The following LYRM4 variants were observed in gnomAD, a reference collection of about 807,000 sequenced individuals.
LYRM4 encodes LYR motif-containing protein 4.
In LYRM4, 9 loss-of-function variants were observed where a neutral mutation model predicts 11.7. The observed-to-expected ratio is 0.77, with a 90% CI of 0.46 to 1.34. The LOEUF is 1.34. Among genes scored for constraint, LYRM4 ranks in the 40% most tolerant of loss-of-function variants. The pLI is 0.00. For missense variants in LYRM4, 133 were observed against 112.5 expected (o/e 1.18, Z -0.82); for synonymous variants, 42 against 40.4 (o/e 1.04, Z -0.15).
chr6:5,199,600 C>T (rs1416251072), intron 2 of LYRM4, among the ~76,000 whole-genome samples: 3 of 152,168 alleles, frequency 2.0e-5, no homozygotes, highest in Non-Finnish European at 4.4e-5. Flanking sequence ...CAGTCACTAC[C>T]AGACTGAAAC....
the LYRM4 span, among the ~76,000 whole-genome samples, chr6:5,039,736 A>T: frequency 6.6e-6 from 1 of 152,234 alleles, no homozygotes. Context: ...AGAGTTTTAG[A>T]TATGAAAATT....
At chr6:5,078,238 CT>C in the LYRM4 span, among the ~76,000 whole-genome samples, 853 of 141,760 alleles carry the variant, frequency 6.0e-3, 2 homozygotes, top group South Asian at 9.9e-3. Context: ...CAGCTGGGTA[CT>C]TTTTTTTTTT....
At chr6:5,060,347 G>T in the LYRM4 span, among the ~76,000 whole-genome samples, 3 of 152,170 alleles carry the variant, frequency 2.0e-5, no homozygotes, top group African/African-American at 7.2e-5. Flanking sequence ...ATGAAAAAAT[G>T]TTGGATTTTT....
intron 1 of LYRM4, among the ~76,000 whole-genome samples, chr6:5,223,081 A>T (rs1390756163): frequency 2.0e-5 from 3 of 152,230 alleles, no homozygotes; most frequent in African/African-American, 7.2e-5. Flanking sequence ...CAATGCCAAG[A>T]TATCTACTTA....
intron 2 of LYRM4, among the ~76,000 whole-genome samples, chr6:5,174,479 T>C (rs1450858088): frequency 2.0e-5 from 3 of 152,022 alleles, no homozygotes; most frequent in Non-Finnish European, 4.4e-5. Context: ...TCACAAAAGC[T>C]CGAGTTTCAA....
intron 2 of LYRM4, among the ~76,000 whole-genome samples, chr6:5,203,607 GTGGA>G (rs1276472925): frequency 1.3e-5 from 2 of 152,162 alleles, no homozygotes; most frequent in Non-Finnish European, 2.9e-5. Flanking sequence ...TTCTATTCAG[GTGGA>G]TATTCTTTTA....
chr6:5,197,501 G>A (rs1025415174), intron 2 of LYRM4, among the ~76,000 whole-genome samples: 3 of 151,316 alleles, frequency 2.0e-5, no homozygotes, highest in Admixed American at 1.3e-4. Flanking sequence ...GTGAAACCCC[G>A]TCTCTACTGA....
At chr6:5,152,815 C>T (rs899102086) in intron 2 of LYRM4, among the ~76,000 whole-genome samples, 4 of 152,214 alleles carry the variant, frequency 2.6e-5, no homozygotes, top group African/African-American at 9.6e-5. Flanking sequence ...GGTCACGGGG[C>T]AAATGGAAAC....
intron 2 of LYRM4, among the ~76,000 whole-genome samples, chr6:5,208,926 C>T (rs893731168): frequency 1.3e-5 from 2 of 152,228 alleles, no homozygotes; most frequent in East Asian, 3.9e-4. Context: ...GGGAATTTTC[C>T]ACTCATCTGG....
intron 2 of LYRM4, among the ~76,000 whole-genome samples, chr6:5,127,809 A>G (rs58734393): frequency 0.019 from 2,823 of 152,340 alleles, 94 homozygotes; most frequent in African/African-American, 0.064. Context: ...TGTGATCTGT[A>G]TCATCCTTTT....
the LYRM4 span, among the ~76,000 whole-genome samples, chr6:5,045,110 C>G: frequency 6.6e-6 from 1 of 152,334 alleles, no homozygotes; most frequent in Middle Eastern, 3.4e-3. Context: ...CAAACCACCT[C>G]AACATTCAGT....
chr6:5,160,647 A>T (rs1758699857), intron 2 of LYRM4, among the ~76,000 whole-genome samples: 1 of 63,056 alleles, frequency 1.6e-5, no homozygotes, highest in African/African-American at 7.9e-5. Context: ...TGCCATGATT[A>T]TGAGACCCCC....
chr6:5,163,189 A>C (rs781566392), intron 2 of LYRM4, among the ~76,000 whole-genome samples: 77 of 152,138 alleles, frequency 5.1e-4, no homozygotes, highest in Non-Finnish European at 8.8e-5. Context: ...TTCCTCCAAC[A>C]CTTCATTGTT....
chr6:5,040,153 CAA>C, the LYRM4 span, among the ~76,000 whole-genome samples: 1 of 148,116 alleles, frequency 6.8e-6, no homozygotes, highest in Admixed American at 6.7e-5. Context: ...CCCATCTCTA[CAA>C]AAAATATTAA....
intron 2 of LYRM4, among the ~76,000 whole-genome samples, chr6:5,166,567 AAG>A (rs1256697262): frequency 1.3e-5 from 2 of 152,246 alleles, no homozygotes; most frequent in Non-Finnish European, 2.9e-5. Context: ...CCAAGAGTAG[AAG>A]AGAGAAAAAA....
At chr6:5,252,694 G>C (rs1303889364) in intron 1 of LYRM4, among the ~76,000 whole-genome samples, 1 of 151,958 alleles carries the variant, frequency 6.6e-6, no homozygotes, top group South Asian at 2.1e-4. Flanking sequence ...TGAAGTTTTG[G>C]TCAATGAGCA....
the LYRM4 span, chr6:5,086,745 C>T: frequency 3.3e-6 from 2 of 603,898 alleles, no homozygotes; most frequent in Non-Finnish European, 5.8e-6. Context: ...AGTGAGCGAG[C>T]TTAGAGAGCC....
intron 2 of LYRM4, among the ~76,000 whole-genome samples, chr6:5,119,879 G>A (rs548297531): frequency 4.1e-5 from 6 of 147,428 alleles, no homozygotes; most frequent in South Asian, 2.2e-4. Context: ...GTGACATTCC[G>A]CATCATCATA....
At chr6:5,246,696 G>A (rs1208801058) in intron 1 of LYRM4, among the ~76,000 whole-genome samples, 1 of 152,110 alleles carries the variant, frequency 6.6e-6, no homozygotes, top group Non-Finnish European at 1.5e-5. Context: ...GGGGAAGTTG[G>A]GGCGAGGAAG....
Sources: gnomAD v4.1 joint callset for allele counts (sites outside exome capture counted in the v4.1 genomes callset) on GRCh38, gnomAD v4.1.1 for gene constraint, MANE v1.5 for transcripts, NCBI Gene and HGNC (gene_info 2026-07-23, HGNC 2026-07-21) for gene names.